CEP290: variants seen among roughly 807,000 people sequenced by gnomAD.
CEP290 encodes centrosomal protein 290, also known as centrosomal protein of 290 kDa.
In CEP290, 317 loss-of-function variants were observed where a neutral mutation model predicts 344.9. The ratio of observed to expected loss-of-function variants is 0.92; its 90% CI spans 0.84 to 1.01. CEP290 has a LOEUF of 1.01. Among genes scored for constraint, CEP290 ranks in the 50% least tolerant of loss-of-function variants. The probability of loss-of-function intolerance (pLI) is 0.00; values close to 1 mark genes in which losing one functional copy is unlikely to be tolerated. For missense variants in CEP290, 2,754 were observed against 2,761.4 expected, an observed-to-expected ratio of 1.00 and a Z score of 0.06; for synonymous variants, 932 against 895.8, an observed-to-expected ratio of 1.04 and a Z score of -0.72.
chr12:88,063,412 A>C (rs1178400320), intron 45 of CEP290, among the ~76,000 whole-genome samples: 1 of 152,146 alleles, frequency 6.6e-6, no homozygotes, highest in African/African-American at 2.4e-5. Context: ...TTCTAAAAGA[A>C]ACAAATTATT....
intron 6 of CEP290, among the ~76,000 whole-genome samples, chr12:88,133,559 C>A (rs1311983176): frequency 1.3e-5 from 2 of 152,060 alleles, no homozygotes; most frequent in Admixed American, 1.3e-4. Context: ...GATTTATATT[C>A]TTTTGGGTAT....
intron 27 of CEP290, among the ~76,000 whole-genome samples, chr12:88,094,308 T>G (rs1294600686): frequency 6.6e-6 from 1 of 152,122 alleles, no homozygotes; most frequent in East Asian, 1.9e-4. Flanking sequence ...GTAAACATTT[T>G]ACTGAAAGGA....
chr12:88,118,750 T>C lies in CEP290; in HGVS notation c.1523-7A>G, dbSNP rs1413722193. ...ATTGTCTTTGGTTCAAGGCCTACAA[T>C]AGAAAGCAATATAATTAAAAACTTA... On this transcript the variant is annotated splice_polypyrimidine_tract_variant and splice_region_variant and intron_variant, in intron 15 of 53. Coordinates refer to ENST00000552810, the MANE Select transcript of CEP290 (RefSeq NM_025114.4). 1.9e-6 allele frequency: 3 copies of C among 1,583,246 alleles called. No individual in the cohort carries two copies. The highest frequency in any genetic ancestry group is 2.7e-5 in the African/African-American group (2 of 73,592).
At position 88,090,875 on chromosome 12, in the gene CEP290, T is replaced by A. The variant is rs543694537; in HGVS notation, c.3462-36A>T. 2.0e-5 allele frequency: 26 copies of A among 1,322,402 alleles called. No homozygotes were observed. In the African/African-American group the frequency reaches 3.7e-4, roughly 19 times the overall value. 81.9% of individuals were successfully genotyped at this position (1,322,402 alleles called of 1,614,324 possible). On this transcript the variant is annotated intron_variant, in intron 29 of 53. Transcript: ENST00000552810. ...ATAAGGTATTTCAGGAACAATTAAG[T>A]ACACTTTCTAAGTAAATGCCAAAAT...
rs566362043 is a variant in CEP290 at position 88,074,675 on chromosome 12, G to A, written c.5709+2547C>T. Among the ~76,000 whole-genome samples the A allele has an allele frequency of 1.1e-4, 17 of 152,300 alleles. No homozygotes were observed. The East Asian group carries it at 3.3e-3, about 29-fold the overall frequency. ...CTTTCACCTGCCCTAAGGCAGGACT[G>A]TAATCTTCCCCTGCCTTTCTGACTG... On this transcript the variant is annotated intron_variant, in intron 41 of 53. Transcript: ENST00000552810.
At chr12:88,115,447 C>A in intron 18 of CEP290, 1 of 1,267,476 alleles carries the variant, frequency 7.9e-7, no homozygotes, top group Non-Finnish European at 1.0e-6. Flanking sequence ...GTACCACAAT[C>A]ATCTCTTTTA....
At chr12:88,105,667 C>G (rs1440005601) in intron 25 of CEP290, among the ~76,000 whole-genome samples, 1 of 151,986 alleles carries the variant, frequency 6.6e-6, no homozygotes, top group Non-Finnish European at 1.5e-5. Context: ...TGTATGGTAC[C>G]AAAATATCAC....
Position 88,080,394 on chromosome 12 carries a change from G to A in CEP290, c.5014C>T (p.Leu1672Phe), listed in dbSNP as rs754199074. 1.9e-6 allele frequency: 3 copies of A among 1,606,684 alleles called. No individual in the cohort carries two copies. The highest frequency in any genetic ancestry group is 2.6e-6 in the Non-Finnish European group (3 of 1,175,118). Residue 1672 changes from leucine to phenylalanine, a missense_variant and splice_region_variant, in exon 38 of 54, where the codon CTT becomes TTT. Coordinates refer to ENST00000552810, the MANE Select transcript of CEP290 (RefSeq NM_025114.4). The stretch of plus-strand genomic sequence containing the variant: ...ACTTCATCTTCATGGTTTTCTTGAA[G>A]CCTGATGTAAATAAACATATGTGTG... The part of the protein sequence containing the change: ...VKEFENIKLQ[L>F]QENHEDEVKK...
intron 41 of CEP290, among the ~76,000 whole-genome samples, chr12:88,075,995 T>C (rs1013776250): frequency 1.3e-5 from 2 of 152,140 alleles, no homozygotes; most frequent in African/African-American, 4.8e-5. Flanking sequence ...AACTGTAGCA[T>C]AGAAGAGTCC....
At position 88,071,336 on chromosome 12, in the gene CEP290, T is replaced by G; in HGVS notation, c.5969A>C (p.Lys1990Thr). ...LESEKELEEL[K>T]KRNLDLENDI... ...ATTTTCTAAGTCAAGATTTCTCTTT[T>G]TTAATTCTTCCAATTCTTTTTCTGA... The change falls in exon 43 of 54, where the codon AAA (lysine) becomes ACA (threonine). Residue 1990 changes from lysine (K) to threonine (T), a missense_variant. Transcript: ENST00000552810. 1 of 1,608,834 alleles carries G rather than the reference T, an allele frequency of 6.2e-7. No individual in the cohort carries two copies. The highest frequency in any genetic ancestry group is 8.5e-7 in the Non-Finnish European group (1 of 1,176,436).
Position 88,115,098 on chromosome 12 carries a change from A to G in CEP290, c.1909T>C (p.Leu637=), listed in dbSNP as rs781572206. 1 of 1,405,814 alleles carries G rather than the reference A, an allele frequency of 7.1e-7. No homozygotes were observed. Among genetic ancestry groups the G allele is most frequent in the Non-Finnish European group, 9.8e-7 (1 of 1,020,336 alleles). The allele number at this position is 1,405,814 out of a possible 1,614,324, so 87.1% of individuals were successfully genotyped here. A position where few individuals can be genotyped will look rare whatever the true frequency, so the allele number is the denominator to read the frequency against. ...AAAGTAAAAGATAATTGTAACTTAC[A>G]TTTATTCTGAAATTTGGCTATCACT... ...RTVIAKFQNK[L]KELVEENKQL... The change falls in exon 19 of 54, where the codon TTA becomes CTA. Residue 637 remains leucine, a splice_region_variant and synonymous_variant. Coordinates refer to ENST00000552810, the MANE Select transcript of CEP290 (RefSeq NM_025114.4).
chr12:88,084,496 A>C (rs2036426788), intron 35 of CEP290, 90 bp downstream of exon 35: 3 of 1,181,702 alleles, frequency 2.5e-6, no homozygotes, highest in Admixed American at 4.4e-5. Flanking sequence ...GAAAGCAAGA[A>C]AAGAAATACC....
Position 88,049,675 on chromosome 12 carries a change from T to G in CEP290, c.7210-261A>C, listed in dbSNP as rs1371525319. The G allele has an allele frequency of 1.4e-5, 4 of 279,756 alleles. No homozygotes were observed. In the East Asian group the frequency reaches 2.6e-4, roughly 18 times the overall value. 17.3% of individuals were successfully genotyped at this position (279,756 alleles called of 1,614,324 possible). On this transcript the variant is annotated intron_variant, in intron 53 of 53. Transcript: ENST00000552810. ...AATTTATCATCTCTTATAATGGGAC[T>G]TAATCTTTCTCTAAAAGCATATAAG...
In CEP290 at chr12:88,090,800, T is replaced by C; in HGVS notation, c.3501A>G (p.Glu1167=). 1 of 1,561,136 alleles carries C rather than the reference T, an allele frequency of 6.4e-7. No individual in the cohort carries two copies. Among genetic ancestry groups the C allele is most frequent in the South Asian group, 1.2e-5 (1 of 84,646 alleles). Residue 1167 remains glutamate (E), a synonymous_variant, in exon 30 of 54, where the codon GAA becomes GAG. Coordinates refer to ENST00000552810, the MANE Select transcript of CEP290 (RefSeq NM_025114.4). ...EISDIARRQV[E]ILNAQQQSRD... ...TAGATTGTTGTTGTGCATTCAAAAT[T>C]TCAACTTGTCTTCTGGCAATATCAG...
At chr12:88,101,341 C>T (rs2037859588) in intron 26 of CEP290, among the ~76,000 whole-genome samples, 1 of 151,770 alleles carries the variant, frequency 6.6e-6, no homozygotes, top group Non-Finnish European at 1.5e-5. Flanking sequence ...ATTAGCCGGG[C>T]ATGATGGTGG....
At chr12:88,114,659 T>C (rs1049195766) in intron 19 of CEP290, 97 bp from the exon 20 acceptor site, 6 of 1,015,084 alleles carry the variant, frequency 5.9e-6, no homozygotes, top group Non-Finnish European at 8.2e-6. Flanking sequence ...ACCAAAGACA[T>C]CATTGGAAAA....
intron 43 of CEP290, among the ~76,000 whole-genome samples, chr12:88,069,407 A>G (rs1222559514): frequency 1.3e-5 from 2 of 152,170 alleles, no homozygotes; most frequent in East Asian, 3.8e-4. Context: ...AATGGCCTCT[A>G]AAAGTAATAG....
intron 6 of CEP290, chr12:88,136,255 A>C (rs1485289241): frequency 5.5e-6 from 1 of 183,082 alleles, no homozygotes; most frequent in Admixed American, 5.8e-5. Flanking sequence ...CGAATCTACT[A>C]ATCATATAAA....
chr12:88,108,939 T>TA (rs994186747), intron 23 of CEP290, 127 bp downstream of exon 23: 351 of 455,256 alleles, frequency 7.7e-4, no homozygotes, highest in African/African-American at 2.8e-3. Context: ...GTTACCAGAG[T>TA]AAAAAAAAAT....
Sources: allele counts gnomAD v4.1 joint callset (sites outside exome capture counted in the v4.1 genomes callset), GRCh38; gene constraint gnomAD v4.1.1; transcripts MANE v1.5; gene names NCBI Gene and HGNC (gene_info 2026-07-23, HGNC 2026-07-21).